ZNF727: variants seen among roughly 807,000 people sequenced by gnomAD.
ZNF727 encodes the protein putative zinc finger protein 727.
In ZNF727, 11 loss-of-function variants were observed where a neutral mutation model predicts 11.5. The ratio of observed to expected loss-of-function variants is 0.95; its 90% confidence interval spans 0.60 to 1.58. ZNF727 has a LOEUF of 1.58. ZNF727 is among the 40% of genes most tolerant of loss of function. The probability of loss-of-function intolerance (pLI) is 0.00; values close to 1 mark genes in which losing one functional copy is unlikely to be tolerated. For missense variants in ZNF727, 533 were observed against 581.7 expected, an observed-to-expected ratio of 0.92 and a Z score of 0.86; for synonymous variants, 171 against 196.1, an observed-to-expected ratio of 0.87 and a Z score of 1.07.
At chr7:64,072,874 G>T (rs1375286906) in intron 3 of ZNF727, among the ~76,000 whole-genome samples, 4 of 151,814 alleles carry the variant, frequency 2.6e-5, no homozygotes, top group Admixed American at 6.6e-5. Flanking sequence ...TATGATAAAA[G>T]TCTCTTCTTT....
At chr7:64,058,578 C>G (rs1789721789) in intron 1 of ZNF727, among the ~76,000 whole-genome samples, 1 of 152,084 alleles carries the variant, frequency 6.6e-6, no homozygotes, top group African/African-American at 2.4e-5. Context: ...TGCATAGACA[C>G]AGAAATAAGC....
intron 1 of ZNF727, among the ~76,000 whole-genome samples, chr7:64,046,456 C>T (rs1281379583): frequency 6.6e-6 from 1 of 152,150 alleles, no homozygotes; most frequent in East Asian, 1.9e-4. Context: ...GCGTGAATTT[C>T]TCATGAATAG....
At position 64,046,974 on chromosome 7, in the gene ZNF727, T is replaced by TTG. The variant is rs559916071; in HGVS notation, c.3+1354_3+1355dup. ...GCTTGTGGTTGGTTAAGCCTAAGTT[T>TTG]TGTGTTTTTTTTTTTTTTCTCAAAG... On this transcript the variant is annotated intron_variant, in intron 1 of 3. Transcript: ENST00000456806. Among the ~76,000 whole-genome samples the TTG allele has an allele frequency of 3.3e-3, 501 of 149,648 alleles. 1 individual carries two copies. Among genetic ancestry groups the TTG allele is most frequent in the African/African-American group, 0.012 (475 of 39,610 alleles).
At position 64,072,224 on chromosome 7, in the gene ZNF727, AT is replaced by A. The variant is rs766277077; in HGVS notation, c.226+2616del. The stretch of plus-strand genomic sequence containing the variant: ...TCTCTTGGGTCAGTTAGCTGATAGA[AT>A]CTTTTTGGGTATGCAGTGGAGAGGG... On this transcript the variant is annotated intron_variant, in intron 3 of 3. Transcript: ENST00000456806. 1.6e-3 allele frequency among the ~76,000 whole-genome samples: 248 copies of A among 152,178 alleles called. 1 individual carries two copies. Among genetic ancestry groups the A allele is most frequent in the Middle Eastern group, 3.4e-3 (1 of 294 alleles).
At chr7:64,070,370 A>G (rs1789941397) in intron 3 of ZNF727, among the ~76,000 whole-genome samples, 1 of 152,000 alleles carries the variant, frequency 6.6e-6, no homozygotes, top group Non-Finnish European at 1.5e-5. Flanking sequence ...CCCAATCTTT[A>G]TTTTAAATGA....
intron 1 of ZNF727, among the ~76,000 whole-genome samples, chr7:64,066,891 G>T (rs1235554094): frequency 1.3e-5 from 2 of 152,048 alleles, no homozygotes; most frequent in African/African-American, 2.4e-5. Context: ...GAAAAATTTT[G>T]CAATCTATCC....
chr7:64,069,150 T>C, intron 2 of ZNF727, 133 bp downstream of exon 2: 1 of 944,890 alleles, frequency 1.1e-6, no homozygotes, highest in Non-Finnish European at 1.5e-6. Context: ...GGTATCTGTT[T>C]AGGTAGTAAA....
chr7:64,051,724 ATTT>A (rs1156652125), intron 1 of ZNF727, among the ~76,000 whole-genome samples: 1 of 152,172 alleles, frequency 6.6e-6, no homozygotes, highest in East Asian at 1.9e-4. Context: ...ACATGGTAAG[ATTT>A]ACGTCTCCTA....
rs1246901781 is a variant in ZNF727, at chr7:64,078,652, C to T, written c.*103C>T. On this transcript the variant is annotated 3_prime_UTR_variant, in exon 4 of 4. Transcript: ENST00000456806. The stretch of plus-strand genomic sequence containing the variant: ...AAGAGAATTCATACTGGAGAGAAAC[C>T]CTACATTTGTGAAGAATGTGGCAAA... The T allele has an allele frequency of 2.2e-6, 3 of 1,364,004 alleles. No homozygotes were observed. Among genetic ancestry groups the T allele is most frequent in the African/African-American group, 2.9e-5 (2 of 69,462 alleles). 84.5% of individuals were successfully genotyped at this position (1,364,004 alleles called of 1,614,324 possible). A position where few individuals can be genotyped will look rare whatever the true frequency, so the allele number is the denominator to read the frequency against.
chr7:64,075,638 C>T (rs1314230402), intron 3 of ZNF727, among the ~76,000 whole-genome samples: 4 of 151,844 alleles, frequency 2.6e-5, no homozygotes, highest in Non-Finnish European at 5.9e-5. Context: ...AAACAGAAAG[C>T]CAAATACTAC....
At chr7:64,058,929 T>C (rs1332172993) in intron 1 of ZNF727, among the ~76,000 whole-genome samples, 1 of 151,082 alleles carries the variant, frequency 6.6e-6, no homozygotes, top group African/African-American at 2.4e-5. Context: ...ATTAACCTAT[T>C]GCTTATGGCT....
intron 1 of ZNF727, among the ~76,000 whole-genome samples, chr7:64,062,965 A>G (rs1000901646): frequency 5.3e-5 from 8 of 151,592 alleles, no homozygotes; most frequent in African/African-American, 9.7e-5. Context: ...CTTCAAAATG[A>G]TTTTAATCAA....
intron 1 of ZNF727, among the ~76,000 whole-genome samples, chr7:64,053,288 A>G (rs916415657): frequency 6.6e-6 from 1 of 152,016 alleles, no homozygotes; most frequent in Non-Finnish European, 1.5e-5. Flanking sequence ...AATAAGTCTC[A>G]TGAGATCTGA....
chr7:64,059,572 G>C (rs1789739042), intron 1 of ZNF727, among the ~76,000 whole-genome samples: 1 of 152,120 alleles, frequency 6.6e-6, no homozygotes, highest in Non-Finnish European at 1.5e-5. Context: ...GATTATTTCA[G>C]ATTAACAGTT....
intron 1 of ZNF727, among the ~76,000 whole-genome samples, chr7:64,047,169 C>T (rs1789521048): frequency 6.6e-6 from 1 of 152,154 alleles, no homozygotes; most frequent in South Asian, 2.1e-4. Context: ...GGTCTCAAAT[C>T]CAAAACTTCT....
intron 3 of ZNF727, among the ~76,000 whole-genome samples, chr7:64,073,345 A>T (rs1562797013): frequency 2.0e-5 from 3 of 150,604 alleles, no homozygotes; most frequent in Admixed American, 2.0e-4. Flanking sequence ...TATAAGTAAC[A>T]TGTCTTTAGT....
chr7:64,058,615 A>G (rs7783518), intron 1 of ZNF727, among the ~76,000 whole-genome samples: 54,576 of 151,998 alleles, frequency 0.36, 10,568 homozygotes, highest in East Asian at 0.56. Flanking sequence ...CTGAGCCACC[A>G]TCTGTGTAGC....
chr7:64,059,280 A>G (rs1789734604), intron 1 of ZNF727, among the ~76,000 whole-genome samples: 1 of 152,004 alleles, frequency 6.6e-6, no homozygotes, highest in Non-Finnish European at 1.5e-5. Context: ...TGTTAAATAC[A>G]CTCTTAGGTT....
rs1488046076 is a variant in ZNF727 at position 64,082,337 on chromosome 7, G to A, written c.*3788G>A. Among the ~76,000 whole-genome samples, 1 of 152,164 alleles carries A rather than the reference G, an allele frequency of 6.6e-6. No individual in the cohort carries two copies. The highest frequency in any genetic ancestry group is 1.5e-5 in the Non-Finnish European group (1 of 68,026). On this transcript the variant is annotated 3_prime_UTR_variant, in exon 4 of 4. Coordinates refer to ENST00000456806, the MANE Select transcript of ZNF727 (RefSeq NM_001159522.3). Reference sequence around the variant, plus strand: ...AACAGTCTGGCCACTTTTCTGAAGGGCTGCTGCAGTATGCTGGGTGTCCAC... The same window carrying A: ...AACAGTCTGGCCACTTTTCTGAAGGACTGCTGCAGTATGCTGGGTGTCCAC...
Sources: gnomAD v4.1 joint callset for allele counts (sites outside exome capture counted in the v4.1 genomes callset) on GRCh38, gnomAD v4.1.1 for gene constraint, MANE v1.5 for transcripts, NCBI Gene and HGNC (gene_info 2026-07-23, HGNC 2026-07-21) for gene names.